The following HOMER2 variants were observed in gnomAD, a reference collection of about 807,000 sequenced individuals.
The protein encoded by HOMER2 is homer scaffold protein 2.
HOMER2 carries 27 observed loss-of-function variants against 47.0 expected under a neutral mutation model. That is an observed-to-expected ratio of 0.57 (90% CI 0.42 to 0.79). HOMER2 has a LOEUF of 0.79. HOMER2 is among the 30% of genes least tolerant of loss of function. HOMER2 has a pLI of 0.00. For missense variants in HOMER2, 443 were observed against 435.0 expected (o/e 1.02, Z -0.16); for synonymous variants, 161 against 163.8 (o/e 0.98, Z 0.13).
At chr15:82,968,255 C>T (rs1297472655) in intron 1 of HOMER2, among the ~76,000 whole-genome samples, 4 of 152,170 alleles carry the variant, frequency 2.6e-5, no homozygotes, top group Non-Finnish European at 5.9e-5. Context: ...ACTATCACCA[C>T]TATACAGTTC....
chr15:82,871,829 A>G (rs1274421065), intron 3 of HOMER2, among the ~76,000 whole-genome samples: 1 of 152,184 alleles, frequency 6.6e-6, no homozygotes, highest in African/African-American at 2.4e-5. Context: ...AACTTGGACA[A>G]TGTGTTCTGG....
chr15:82,953,870 G>A (rs2054556478), upstream of HOMER2, among the ~76,000 whole-genome samples: 1 of 151,878 alleles, frequency 6.6e-6, no homozygotes, highest in Non-Finnish European at 1.5e-5. Context: ...GCAACAGAGC[G>A]AGACTCCGTC....
At chr15:82,955,346 G>A (rs1407697757), upstream of HOMER2, among the ~76,000 whole-genome samples, 1 of 150,578 alleles carries the variant, frequency 6.6e-6, no homozygotes, top group African/African-American at 2.4e-5. Context: ...CTTTTTTGTA[G>A]TTTTAGTAGA....
intron 4 of HOMER2, among the ~76,000 whole-genome samples, chr15:82,860,955 A>AAGAGAGAGAGAGAGAGAGAGAG (rs1555420258): frequency 7.0e-5 from 5 of 71,126 alleles, no homozygotes; most frequent in African/African-American, 2.5e-4. Context: ...AAGATAGAAG[A>AAGAGAGAGAGAGAGAGAGAGAG]TGAGAGAGAG....
chr15:82,905,651 G>A (rs1447697020), intron 1 of HOMER2, among the ~76,000 whole-genome samples: 2 of 152,158 alleles, frequency 1.3e-5, no homozygotes, highest in African/African-American at 4.8e-5. Flanking sequence ...CAAGTGAGAA[G>A]AATGGAGTAA....
chr15:82,981,396 T>C (rs923814548), intron 1 of HOMER2, among the ~76,000 whole-genome samples: 2 of 152,226 alleles, frequency 1.3e-5, no homozygotes, highest in Admixed American at 6.5e-5. Flanking sequence ...TTATGAGTAA[T>C]TGTGCACTGC....
rs1232302462 is a variant in HOMER2 at position 82,936,362 on chromosome 15, A to C, written c.5+16169T>G. On this transcript the variant is annotated intron_variant, in intron 1 of 8. Transcript: ENST00000450735. ...CATTTACAGGTTGTGTTTTCAGGGG[A>C]GGGGCCAGGGACAGGTGGAGCTGTC... 2.6e-5 allele frequency among the ~76,000 whole-genome samples: 4 copies of C among 152,212 alleles called. No individual in the cohort carries two copies. The East Asian group carries it at 7.7e-4, about 29-fold the overall frequency.
intron 1 of HOMER2, among the ~76,000 whole-genome samples, chr15:82,896,843 T>C (rs1240219926): frequency 6.6e-6 from 1 of 152,030 alleles, no homozygotes; most frequent in Non-Finnish European, 1.5e-5. Context: ...AAAAGTCTAA[T>C]GATATTTCAA....
At chr15:82,853,670 C>G (rs1399561826) in intron 6 of HOMER2, among the ~76,000 whole-genome samples, 1 of 152,166 alleles carries the variant, frequency 6.6e-6, no homozygotes, top group Non-Finnish European at 1.5e-5. Context: ...ACAAGGTTAG[C>G]AGAGAAACCT....
exon 2 of HOMER2, chr15:82,840,093 CTAAATA>C (rs2151581971): frequency 6.6e-6 from 1 of 152,010 alleles, no homozygotes; most frequent in South Asian, 2.1e-4. Flanking sequence ...ACTTAGAACA[CTAAATA>C]TAAATTTAAG....
intron 1 of HOMER2, chr15:82,898,388 A>T (rs760254976): frequency 6.6e-6 from 1 of 152,228 alleles, no homozygotes; most frequent in Non-Finnish European, 1.5e-5. Flanking sequence ...GACAGAAATT[A>T]CCTTCATATC....
At chr15:82,910,693 G>T (rs188851430) in intron 1 of HOMER2, among the ~76,000 whole-genome samples, 10 of 152,306 alleles carry the variant, frequency 6.6e-5, no homozygotes, top group Admixed American at 2.0e-4. Context: ...GCCTCGGAAG[G>T]CGTGTTTGAT....
upstream of HOMER2, chr15:82,952,800 A>C: frequency 1.3e-6 from 1 of 763,904 alleles, no homozygotes; most frequent in Non-Finnish European, 1.6e-6. Context: ...CCGGCTCCTT[A>C]CGTAACCTCG....
In HOMER2 at chr15:82,841,535, G is replaced by GAT. The variant is rs752469758; in HGVS notation, c.*5737_*5738dup. On this transcript the variant is annotated 3_prime_UTR_variant, in exon 2 of 2. Coordinates refer to the HOMER2 transcript ENST00000558090. ...ACACTCTTCTAAGTAAAAAAAATTT[G>GAT]ATATATATATATCAAATAATGTACA... 36 of 5,590 alleles carry GAT rather than the reference G, an allele frequency of 6.4e-3. No homozygotes were observed. In the African/African-American group the frequency reaches 0.074, roughly 12 times the overall value. 0.3% of individuals were successfully genotyped at this position (5,590 alleles called of 1,614,324 possible).
chr15:82,915,432 G>C (rs2053561296), intron 1 of HOMER2, among the ~76,000 whole-genome samples: 1 of 152,204 alleles, frequency 6.6e-6, no homozygotes, highest in Non-Finnish European at 1.5e-5. Flanking sequence ...AGAACTGCCA[G>C]GTACAGTGGC....
chr15:82,977,327 G>A (rs985615465), intron 1 of HOMER2, among the ~76,000 whole-genome samples: 1 of 152,134 alleles, frequency 6.6e-6, no homozygotes, highest in African/African-American at 2.4e-5. Context: ...GGGTGCAAAC[G>A]GGGTGCCTGG....
intron 3 of HOMER2, among the ~76,000 whole-genome samples, chr15:82,871,274 T>C (rs1259601348): frequency 6.6e-6 from 1 of 152,206 alleles, no homozygotes; most frequent in East Asian, 1.9e-4. Context: ...ATTTTCTTTC[T>C]GGGGGGTAGA....
intron 4 of HOMER2, among the ~76,000 whole-genome samples, chr15:82,860,018 C>T (rs1369234583): frequency 3.9e-5 from 6 of 151,936 alleles, no homozygotes; most frequent in Non-Finnish European, 2.9e-5. Flanking sequence ...GAGGCTGAGG[C>T]GGGCAGATCA....
rs2052309183 is a variant in HOMER2 at position 82,875,253 on chromosome 15, T to C, written c.294+20A>G. 3 of 1,612,252 alleles carry C rather than the reference T, an allele frequency of 1.9e-6. No individual in the cohort carries two copies. The highest frequency in any genetic ancestry group is 1.3e-5 in the African/African-American group (1 of 75,000). On this transcript the variant is annotated intron_variant, in intron 3 of 8. Coordinates refer to ENST00000450735, the MANE Select transcript of HOMER2 (RefSeq NM_004839.4). ...GCATCTGATGCGGGATTTACTGCACTGTGGATAGGACCAAGTTACCTTTGT... is the reference window on the plus strand; with the variant it reads ...GCATCTGATGCGGGATTTACTGCACCGTGGATAGGACCAAGTTACCTTTGT...
Sources: allele counts gnomAD v4.1 joint callset (sites outside exome capture counted in the v4.1 genomes callset), GRCh38; gene constraint gnomAD v4.1.1; transcripts MANE v1.5; gene names NCBI Gene and HGNC (gene_info 2026-07-23, HGNC 2026-07-21).